ZBBX: variants seen among roughly 807,000 people sequenced by gnomAD.
The protein encoded by ZBBX is zinc finger B-box domain containing.
A neutral mutation model predicts 108.5 loss-of-function variants in ZBBX; 101 were observed. That is an observed-to-expected ratio of 0.93 (90% confidence interval 0.79 to 1.10). The LOEUF (loss-of-function observed/expected upper bound fraction) is 1.10. ZBBX is among the 50% of genes least tolerant of loss of function. The pLI is 0.00. For missense variants in ZBBX, 1,009 were observed against 941.4 expected, an observed-to-expected ratio of 1.07 and a Z score of -0.94; for synonymous variants, 356 against 323.4, an observed-to-expected ratio of 1.10 and a Z score of -1.08.
At chr3:167,275,369 G>A (rs931903408) in intron 20 of ZBBX, among the ~76,000 whole-genome samples, 6 of 152,144 alleles carry the variant, frequency 3.9e-5, no homozygotes, top group South Asian at 4.1e-4. Flanking sequence ...CTGAGGTACC[G>A]GGTTCATCTC....
At chr3:167,256,918 GTACTGCAACAAACA>G (rs1252346749) in intron 20 of ZBBX, among the ~76,000 whole-genome samples, 1 of 152,088 alleles carries the variant, frequency 6.6e-6, no homozygotes, top group African/African-American at 2.4e-5. Flanking sequence ...ATTGTAAACA[GTACTGCAACAAACA>G]TAAGAATGCA....
intron 20 of ZBBX, chr3:167,252,053 C>T: frequency 3.1e-6 from 3 of 967,362 alleles, no homozygotes; most frequent in South Asian, 2.9e-5. Context: ...ACACCTCTGC[C>T]CTTCTCAGGT....
chr3:167,191,934 T>TATATATAGAG, the ZBBX span, among the ~76,000 whole-genome samples: 36 of 130,214 alleles, frequency 2.8e-4, no homozygotes, highest in Non-Finnish European at 4.0e-4. Context: ...TATATATATA[T>TATATATAGAG]AGAGCAAGTT....
the ZBBX span, among the ~76,000 whole-genome samples, chr3:167,226,638 T>C: frequency 6.6e-6 from 1 of 151,802 alleles, no homozygotes; most frequent in Admixed American, 6.6e-5. Context: ...GCCATGAATG[T>C]TATCTCTGAA....
chr3:167,233,568 T>G, the ZBBX span, among the ~76,000 whole-genome samples: 2 of 151,758 alleles, frequency 1.3e-5, no homozygotes, highest in East Asian at 3.9e-4. Flanking sequence ...AAACTGTTAT[T>G]TCCCCTTGAG....
chr3:167,259,554 G>GGT (rs1439170009), intron 20 of ZBBX, among the ~76,000 whole-genome samples: 1 of 151,974 alleles, frequency 6.6e-6, no homozygotes, highest in African/African-American at 2.4e-5. Context: ...AGTTCCTTGA[G>GGT]GTGTGACCTT....
At chr3:167,244,008 A>C (rs1342079163) in intron 20 of ZBBX, among the ~76,000 whole-genome samples, 28 of 152,096 alleles carry the variant, frequency 1.8e-4, no homozygotes, top group Non-Finnish European at 1.5e-5. Flanking sequence ...ATCTAAATTT[A>C]GGGGCTCTAT....
At chr3:167,373,951 AG>A (rs1746558292) in intron 2 of ZBBX, among the ~76,000 whole-genome samples, 164 bp from the exon 3 acceptor site, 1 of 152,224 alleles carries the variant, frequency 6.6e-6, no homozygotes, top group African/African-American at 2.4e-5. Flanking sequence ...GCAAAAGACT[AG>A]GGAAATAGTC....
chr3:167,358,678 T>C (rs1743998847), intron 8 of ZBBX, among the ~76,000 whole-genome samples: 1 of 152,044 alleles, frequency 6.6e-6, no homozygotes, highest in African/African-American at 2.4e-5. Flanking sequence ...GGCTCACACC[T>C]GTAATCCCAG....
chr3:167,183,702 T>C, the ZBBX span, among the ~76,000 whole-genome samples: 3 of 152,236 alleles, frequency 2.0e-5, no homozygotes, highest in Non-Finnish European at 4.4e-5. Context: ...AGATCACTCA[T>C]GCTATTGTTT....
At chr3:167,206,190 T>C in the ZBBX span, among the ~76,000 whole-genome samples, 6 of 152,102 alleles carry the variant, frequency 3.9e-5, no homozygotes, top group Non-Finnish European at 8.8e-5. Context: ...CATTTCTATG[T>C]ATTTGACTTT....
intron 20 of ZBBX, among the ~76,000 whole-genome samples, chr3:167,275,962 T>C (rs2108495978): frequency 6.6e-6 from 1 of 152,128 alleles, no homozygotes; most frequent in South Asian, 2.1e-4. Flanking sequence ...CTCAAGTGGG[T>C]CCCTGACCCC....
At chr3:167,290,259 G>C (rs774619503) in intron 18 of ZBBX, among the ~76,000 whole-genome samples, 24 of 152,126 alleles carry the variant, frequency 1.6e-4, no homozygotes, top group Non-Finnish European at 2.5e-4. Context: ...TCCTGATTGG[G>C]AGACAACTCC....
Position 167,315,752 on chromosome 3 carries a change from T to C in ZBBX, c.1272A>G (p.Arg424=), listed in dbSNP as rs373920238. 3.1e-6 allele frequency: 5 copies of C among 1,605,316 alleles called. No homozygotes were observed. In the African/African-American group the frequency reaches 6.7e-5, roughly 21 times the overall value. ...KVKLADADSQ[R]SCAFHDCQKN... ...AAAGTTAATTAGAAAGGTTTTACCT[T>C]CGTTGACTGTCTGCATCAGCTAATT... The change falls in exon 15 of 22, where the codon CGA becomes CGG. Residue 424 remains arginine (R), a splice_region_variant and synonymous_variant. Transcript: ENST00000675490.
intron 20 of ZBBX, among the ~76,000 whole-genome samples, chr3:167,245,559 A>G (rs762642218): frequency 6.6e-6 from 1 of 152,044 alleles, no homozygotes; most frequent in Non-Finnish European, 1.5e-5. Flanking sequence ...ATGTCAAATT[A>G]TCATCCCCAG....
chr3:167,363,392 G>A (rs1744829429), intron 6 of ZBBX, among the ~76,000 whole-genome samples: 1 of 152,042 alleles, frequency 6.6e-6, no homozygotes, highest in African/African-American at 2.4e-5. Context: ...ACTGTCCTAA[G>A]AAAGTTGAGG....
chr3:167,189,600 T>C, the ZBBX span, among the ~76,000 whole-genome samples: 2 of 152,210 alleles, frequency 1.3e-5, no homozygotes, highest in African/African-American at 2.4e-5. Flanking sequence ...CAGAATATTG[T>C]CTACTTCATA....
intron 20 of ZBBX, 75 bp downstream of exon 20, chr3:167,282,163 G>C (rs114351772): frequency 1.1e-5 from 16 of 1,436,538 alleles, no homozygotes; most frequent in Non-Finnish European, 1.5e-5. Context: ...TGTTTTGTTA[G>C]CGCAAGATAT....
chr3:167,200,012 T>C, the ZBBX span, among the ~76,000 whole-genome samples: 1 of 152,152 alleles, frequency 6.6e-6, no homozygotes, highest in African/African-American at 2.4e-5. Flanking sequence ...ATCCTTTTTG[T>C]ACCTTGGTTT....
Sources: gnomAD v4.1 joint callset for allele counts (sites outside exome capture counted in the v4.1 genomes callset) on GRCh38, gnomAD v4.1.1 for gene constraint, MANE v1.5 for transcripts, NCBI Gene and HGNC (gene_info 2026-07-23, HGNC 2026-07-21) for gene names.